NTRK3: variants seen among roughly 807,000 people sequenced by gnomAD.
NTRK3 encodes neurotrophic receptor tyrosine kinase 3.
NTRK3 carries 24 observed loss-of-function variants against 91.7 expected under a neutral mutation model. The ratio of observed to expected loss-of-function variants is 0.26; its 90% CI spans 0.19 to 0.37. The LOEUF is 0.37. NTRK3 is among the 10% of genes least tolerant of loss of function. NTRK3 has a pLI of 1.00. For synonymous variants in NTRK3, 483 were observed against 404.0 expected (o/e 1.20, Z -2.34); for missense variants, 880 against 1,068.9 (o/e 0.82, Z 2.46).
chr15:88,152,744 A>C (rs1443055929), intron 5 of NTRK3, among the ~76,000 whole-genome samples: 1 of 152,192 alleles, frequency 6.6e-6, no homozygotes. Context: ...GAAAGCCTCC[A>C]AGTCATGGTT....
intron 3 of NTRK3, among the ~76,000 whole-genome samples, chr15:88,227,833 C>G (rs2050812081): frequency 6.6e-6 from 1 of 152,058 alleles, no homozygotes; most frequent in Non-Finnish European, 1.5e-5. Context: ...CTGCATGCCC[C>G]TCGCAGCAGT....
chr15:87,970,054 C>T (rs2073128184), intron 14 of NTRK3, among the ~76,000 whole-genome samples: 1 of 152,188 alleles, frequency 6.6e-6, no homozygotes, highest in Non-Finnish European at 1.5e-5. Flanking sequence ...TTTGGGGCAT[C>T]TGTCCAGGCA....
In NTRK3 at chr15:88,163,174, C is replaced by T. The variant is rs75797511; in HGVS notation, c.396-15771G>A. 2.9e-3 allele frequency among the ~76,000 whole-genome samples: 438 copies of T among 152,252 alleles called. 4 individuals carry two copies. The highest frequency in any genetic ancestry group is 0.027 in the East Asian group (138 of 5,180). ...TCATACAGAAATTCCCCCAACACAG[C>T]CCCAATGGACTATATAATATCTGGT... On this transcript the variant is annotated intron_variant, in intron 5 of 18. Transcript: ENST00000394480.
chr15:87,924,967 CAT>C (rs1339483898), intron 17 of NTRK3, among the ~76,000 whole-genome samples: 7 of 152,110 alleles, frequency 4.6e-5, no homozygotes, highest in African/African-American at 1.7e-4. Context: ...CATCTGAAAA[CAT>C]CTGTATTCTG....
rs4887341 is a variant in NTRK3, at chr15:87,979,804, C to T, written c.1586-39051G>A. Among the ~76,000 whole-genome samples, 90,976 of 151,542 alleles carry T rather than the reference C, an allele frequency of 0.6. 28,094 individuals carry two copies. Among genetic ancestry groups the T allele is most frequent in the East Asian group, 0.78 (3,980 of 5,120 alleles). On this transcript the variant is annotated intron_variant, in intron 14 of 18. Transcript: ENST00000394480. ...TCTTTCTGAAAGGAGGAGACCCTGACGATGAGCTGAGGGGTGTGTCGGAGA... is the reference window on the plus strand; with the variant it reads ...TCTTTCTGAAAGGAGGAGACCCTGATGATGAGCTGAGGGGTGTGTCGGAGA...
At chr15:88,095,034 T>TGGCCA (rs1194865578) in intron 13 of NTRK3, among the ~76,000 whole-genome samples, 1 of 152,224 alleles carries the variant, frequency 6.6e-6, no homozygotes, top group Admixed American at 6.5e-5. Context: ...GCTGTGGCTA[T>TGGCCA]GGCCAAATTG....
chr15:88,228,622 C>T (rs963608976), intron 3 of NTRK3, among the ~76,000 whole-genome samples: 6 of 152,190 alleles, frequency 3.9e-5, no homozygotes, highest in Non-Finnish European at 8.8e-5. Context: ...GGAAAACCCA[C>T]AGCACATGAC....
At chr15:88,162,299 G>T (rs1405056368) in intron 5 of NTRK3, among the ~76,000 whole-genome samples, 3 of 152,142 alleles carry the variant, frequency 2.0e-5, no homozygotes, top group Non-Finnish European at 4.4e-5. Flanking sequence ...CACATGAGGT[G>T]GTGAGAATCA....
At chr15:88,027,666 G>A (rs1391809384) in intron 14 of NTRK3, among the ~76,000 whole-genome samples, 3 of 152,230 alleles carry the variant, frequency 2.0e-5, no homozygotes, top group Non-Finnish European at 4.4e-5. Flanking sequence ...ACAGGCGTGA[G>A]CCACCGTGCC....
chr15:87,904,201 A>G (rs1312762196), intron 17 of NTRK3, among the ~76,000 whole-genome samples: 4 of 148,124 alleles, frequency 2.7e-5, no homozygotes, highest in Non-Finnish European at 5.9e-5. Context: ...GCCAGGCTGG[A>G]GTGCAGTGGC....
At chr15:87,864,037 A>G in exon 19 of NTRK3, 1 of 232,374 alleles carries the variant, frequency 4.3e-6, no homozygotes, top group African/African-American at 2.2e-5. Context: ...TCAAAAAGTA[A>G]AGTCTACCTG....
At chr15:88,110,659 CTG>C (rs900078367) in intron 13 of NTRK3, among the ~76,000 whole-genome samples, 2 of 152,206 alleles carry the variant, frequency 1.3e-5, no homozygotes, top group Non-Finnish European at 2.9e-5. Context: ...CTGTCAATAA[CTG>C]TGCAAAGTGC....
At chr15:88,176,963 G>A (rs1340671095) in intron 5 of NTRK3, among the ~76,000 whole-genome samples, 2 of 152,236 alleles carry the variant, frequency 1.3e-5, no homozygotes, top group Non-Finnish European at 2.9e-5. Context: ...GCCTTGCTAA[G>A]AAAGTAGCAT....
chr15:87,984,070 C>A (rs2074525735), intron 14 of NTRK3, among the ~76,000 whole-genome samples: 1 of 152,008 alleles, frequency 6.6e-6, no homozygotes, highest in Non-Finnish European at 1.5e-5. Flanking sequence ...GGGAGTTCAG[C>A]CTAGAGAGGA....
intron 14 of NTRK3, among the ~76,000 whole-genome samples, chr15:88,012,221 C>T (rs952236549): frequency 1.3e-5 from 2 of 152,188 alleles, no homozygotes; most frequent in African/African-American, 2.4e-5. Context: ...AGATCCTCGA[C>T]GAACTGTGAT....
chr15:88,034,855 G>T (rs904142596), intron 13 of NTRK3, among the ~76,000 whole-genome samples: 1 of 152,188 alleles, frequency 6.6e-6, no homozygotes, highest in Non-Finnish European at 1.5e-5. Context: ...ATAATCACTT[G>T]CCTTGCAAAA....
chr15:88,116,414 G>A (rs1015330524), intron 13 of NTRK3, among the ~76,000 whole-genome samples: 1 of 150,572 alleles, frequency 6.6e-6, no homozygotes, highest in African/African-American at 2.5e-5. Flanking sequence ...GTGAAACCCC[G>A]TATCTACTAA....
intron 3 of NTRK3, among the ~76,000 whole-genome samples, chr15:88,203,108 A>G (rs1203881481): frequency 6.6e-6 from 1 of 152,166 alleles, no homozygotes; most frequent in East Asian, 1.9e-4. Flanking sequence ...CCTCCTAGCA[A>G]TGATGGCGGA....
At chr15:88,049,705 T>C (rs1328756767) in intron 13 of NTRK3, among the ~76,000 whole-genome samples, 1 of 152,228 alleles carries the variant, frequency 6.6e-6, no homozygotes, top group Non-Finnish European at 1.5e-5. Flanking sequence ...AGGGGATTCC[T>C]CCCAAGGTGC....
Sources: gnomAD v4.1 joint callset for allele counts (sites outside exome capture counted in the v4.1 genomes callset) on GRCh38, gnomAD v4.1.1 for gene constraint, MANE v1.5 for transcripts, NCBI Gene and HGNC (gene_info 2026-07-23, HGNC 2026-07-21) for gene names.